Variants in GTF2IRD1 observed in about 807,000 individuals in gnomAD.
The protein encoded by GTF2IRD1 is GTF2I repeat domain containing 1.
A neutral mutation model predicts 113.2 loss-of-function variants in GTF2IRD1; 26 were observed. That is an observed-to-expected ratio of 0.23 (90% CI 0.17 to 0.32). The LOEUF is 0.32. Ranked by LOEUF, GTF2IRD1 falls within the 10% of genes least tolerant of loss-of-function variation. GTF2IRD1 has a pLI of 1.00. For synonymous variants in GTF2IRD1, 484 were observed against 529.1 expected (o/e 0.91, Z 1.17); for missense variants, 864 against 1,280.8 (o/e 0.67, Z 4.97).
At chr7:74,537,823 T>C (rs587740399) in intron 11 of GTF2IRD1, among the ~76,000 whole-genome samples, 1 of 152,298 alleles carries the variant, frequency 6.6e-6, no homozygotes, top group South Asian at 2.1e-4. Context: ...AAACCCCCAG[T>C]GTGCCAAGCC....
At chr7:74,511,841 C>G (rs1280492559) in intron 2 of GTF2IRD1, among the ~76,000 whole-genome samples, 1 of 152,168 alleles carries the variant, frequency 6.6e-6, no homozygotes, top group South Asian at 2.1e-4. Context: ...AGGTCAGAGA[C>G]CTGAGATGCT....
chr7:74,534,656 C>T (rs587613882), intron 9 of GTF2IRD1, among the ~76,000 whole-genome samples: 8 of 152,086 alleles, frequency 5.3e-5, no homozygotes, highest in African/African-American at 1.9e-4. Context: ...ACCCCACTCC[C>T]CTGCTGAGAT....
chr7:74,576,264 T>C (rs896159198), intron 22 of GTF2IRD1, among the ~76,000 whole-genome samples: 1 of 151,942 alleles, frequency 6.6e-6, no homozygotes, highest in Non-Finnish European at 1.5e-5. Flanking sequence ...CCAAGGCTAA[T>C]GTCAAGGTGT....
At chr7:74,594,234 G>T (rs1370434650) in intron 24 of GTF2IRD1, among the ~76,000 whole-genome samples, 23 of 151,420 alleles carry the variant, frequency 1.5e-4, no homozygotes, top group Non-Finnish European at 2.7e-4. Context: ...ATAAAAATTA[G>T]CCGGGCATGG....
At chr7:74,592,165 T>C (rs1802098131) in intron 24 of GTF2IRD1, among the ~76,000 whole-genome samples, 1 of 152,132 alleles carries the variant, frequency 6.6e-6, no homozygotes, top group Admixed American at 6.6e-5. Context: ...AGTGGTGTGA[T>C]CTCAGCTCAC....
chr7:74,574,150 A>AAT (rs1800858484), intron 22 of GTF2IRD1, among the ~76,000 whole-genome samples: 2 of 104,826 alleles, frequency 1.9e-5, no homozygotes, highest in African/African-American at 7.3e-5. Flanking sequence ...CACCAAGCTA[A>AAT]TTTTTTTTTT....
At position 74,589,893 on chromosome 7, in the gene GTF2IRD1, G is replaced by A. The variant is rs587668148; in HGVS notation, c.2363G>A (p.Arg788Gln). Reference sequence around the variant, plus strand: ...AGACTCGGGGAGAAGGTGATCCTGCGGGAGCAGGTGAAGGAACTCTTCAAC... The same window carrying A: ...AGACTCGGGGAGAAGGTGATCCTGCAGGAGCAGGTGAAGGAACTCTTCAAC... Reference protein sequence around the residue: ...ANRLGEKVILREQVKELFNEK... With the variant: ...ANRLGEKVILQEQVKELFNEK... The change falls in exon 23 of 27, where the codon CGG becomes CAG. Residue 788 changes from arginine (R) to glutamine (Q), a missense_variant. Physicochemically the swap from Arg to Gln is conservative, Grantham distance 43 (BLOSUM62 1). Around this residue, in one of 7 missense-constraint regions of GTF2IRD1, gnomAD observed 195 missense variants for 359.1 expected, o/e 0.54. Coordinates refer to ENST00000424337, the MANE Select transcript of GTF2IRD1 (RefSeq NM_005685.4). The A allele has an allele frequency of 5.0e-6, 8 of 1,611,630 alleles. No individual in the cohort carries two copies. Among genetic ancestry groups the A allele is most frequent in the East Asian group, 2.2e-5 (1 of 44,824 alleles).
chr7:74,453,992 T>TC lies in GTF2IRD1; in HGVS notation c.-183dup, dbSNP rs1392053027. Reference sequence around the variant, plus strand: ...AGCGCCAGCCCCCCGGCCGGCCGATTCCCCCCCCGCGCCCCCTCCCCGCGC... The same window carrying TC: ...AGCGCCAGCCCCCCGGCCGGCCGATTCCCCCCCCCGCGCCCCCTCCCCGCGC... On this transcript the variant is annotated 5_prime_UTR_variant, in exon 1 of 27. Transcript: ENST00000424337. The TC allele has an allele frequency of 7.2e-5, 10 of 139,486 alleles. No homozygotes were observed. Among genetic ancestry groups the TC allele is most frequent in the South Asian group, 4.3e-4 (2 of 4,620 alleles). The allele number at this position is 139,486 out of a possible 1,614,324, so 8.6% of individuals were successfully genotyped here.
At chr7:74,576,707 G>A (rs746548850) in intron 22 of GTF2IRD1, among the ~76,000 whole-genome samples, 7 of 115,996 alleles carry the variant, frequency 6.0e-5, no homozygotes, top group Admixed American at 3.6e-4. Context: ...TGCAACCTCC[G>A]CCTTCCAGGT....
chr7:74,469,808 A>T (rs757451206), intron 1 of GTF2IRD1, among the ~76,000 whole-genome samples: 3 of 151,610 alleles, frequency 2.0e-5, no homozygotes, highest in Admixed American at 6.6e-5. Context: ...GGTTCAAGGG[A>T]TCCTCCTGCC....
At chr7:74,492,318 C>G (rs1795406097) in intron 1 of GTF2IRD1, among the ~76,000 whole-genome samples, 1 of 152,028 alleles carries the variant, frequency 6.6e-6, no homozygotes, top group Admixed American at 6.6e-5. Flanking sequence ...CTACAGGTGC[C>G]TGCCACCACG....
At chr7:74,515,014 G>A (rs1241534338) in intron 3 of GTF2IRD1, among the ~76,000 whole-genome samples, 1 of 138,028 alleles carries the variant, frequency 7.2e-6, no homozygotes, top group Non-Finnish European at 1.5e-5. Flanking sequence ...CCAAGCTTGT[G>A]CCACTGCACT....
At chr7:74,585,790 G>A (rs1342108516) in intron 22 of GTF2IRD1, among the ~76,000 whole-genome samples, 15 of 151,906 alleles carry the variant, frequency 9.9e-5, no homozygotes, top group Non-Finnish European at 1.2e-4. Flanking sequence ...GCTGAGGCAG[G>A]AGAATCACTT....
At chr7:74,495,910 G>T (rs1400482297) in intron 1 of GTF2IRD1, among the ~76,000 whole-genome samples, 1 of 152,144 alleles carries the variant, frequency 6.6e-6, no homozygotes, top group Non-Finnish European at 1.5e-5. Flanking sequence ...CATGCCCTGC[G>T]CGTCTCTGTG....
chr7:74,522,782 C>T (rs1797366759), intron 7 of GTF2IRD1, among the ~76,000 whole-genome samples: 1 of 152,134 alleles, frequency 6.6e-6, no homozygotes, highest in Non-Finnish European at 1.5e-5. Context: ...TTCCTATCTG[C>T]AAAATGGGAC....
At chr7:74,473,847 C>T (rs1794246898) in intron 1 of GTF2IRD1, among the ~76,000 whole-genome samples, 2 of 152,156 alleles carry the variant, frequency 1.3e-5, no homozygotes, top group African/African-American at 4.8e-5. Flanking sequence ...TGCAGTGGCT[C>T]ACGCCGAGCT....
intron 22 of GTF2IRD1, among the ~76,000 whole-genome samples, chr7:74,564,293 T>C (rs1204549368): frequency 5.9e-5 from 9 of 152,168 alleles, no homozygotes; most frequent in East Asian, 1.9e-4. Flanking sequence ...TCCCAGAGTG[T>C]TGGGATTACA....
chr7:74,488,676 TG>T (rs371451403), intron 1 of GTF2IRD1, among the ~76,000 whole-genome samples: 31 of 152,026 alleles, frequency 2.0e-4, no homozygotes, highest in African/African-American at 7.0e-4. Context: ...GAGGATTGCT[TG>T]AGTCTAGGAG....
chr7:74,478,441 A>C (rs1038718987), intron 1 of GTF2IRD1, among the ~76,000 whole-genome samples: 1 of 150,392 alleles, frequency 6.6e-6, no homozygotes, highest in African/African-American at 2.5e-5. Flanking sequence ...GGGAGAGGAA[A>C]GTTTGAGCAT....
Sources: allele counts gnomAD v4.1 joint callset (sites outside exome capture counted in the v4.1 genomes callset), GRCh38; gene constraint gnomAD v4.1.1; regional missense constraint gnomAD v4.1.1; transcripts MANE v1.5; gene names NCBI Gene and HGNC (gene_info 2026-07-23, HGNC 2026-07-21).